CTNND2: variants seen among roughly 807,000 people sequenced by gnomAD.
CTNND2 encodes the protein catenin delta 2.
CTNND2 carries 22 observed loss-of-function variants against 144.4 expected under a neutral mutation model. The observed-to-expected ratio is 0.15, with a 90% confidence interval of 0.11 to 0.22. The LOEUF is 0.22. Among genes scored for constraint, CTNND2 ranks in the 10% least tolerant of loss-of-function variants. The pLI, the probability that CTNND2 is intolerant of heterozygous loss-of-function variation, is 1.00. For synonymous variants in CTNND2, 751 were observed against 695.6 expected (o/e 1.08, Z -1.25); for missense variants, 1,353 against 1,618.8 (o/e 0.84, Z 2.82).
At chr5:11,816,068 G>A (rs1034773160) in intron 1 of CTNND2, among the ~76,000 whole-genome samples, 10 of 152,346 alleles carry the variant, frequency 6.6e-5, no homozygotes, top group Middle Eastern at 3.4e-3. Context: ...GCGTGCCTGT[G>A]AGAGCCTGGC....
At chr5:11,499,213 G>A (rs1432837000) in intron 3 of CTNND2, among the ~76,000 whole-genome samples, 2 of 152,004 alleles carry the variant, frequency 1.3e-5, no homozygotes, top group Non-Finnish European at 2.9e-5. Context: ...TTAAAATATG[G>A]TATATATTTA....
At chr5:11,553,759 A>C (rs373991784) in intron 3 of CTNND2, among the ~76,000 whole-genome samples, 1 of 152,186 alleles carries the variant, frequency 6.6e-6, no homozygotes, top group East Asian at 1.9e-4. Flanking sequence ...AAAGATTTCC[A>C]GTTCTCTACT....
At chr5:11,103,361 G>A (rs1293302260) in intron 14 of CTNND2, among the ~76,000 whole-genome samples, 1 of 152,008 alleles carries the variant, frequency 6.6e-6, no homozygotes, top group African/African-American at 2.4e-5. Flanking sequence ...AGAGAAAGAC[G>A]TAACTTAGGG....
At chr5:11,293,841 T>C (rs1470546909) in intron 9 of CTNND2, among the ~76,000 whole-genome samples, 2 of 147,166 alleles carry the variant, frequency 1.4e-5, no homozygotes, top group Non-Finnish European at 1.5e-5. Flanking sequence ...CTTAAATATA[T>C]ATGTATATAT....
At chr5:11,463,242 C>A (rs1033023501) in intron 3 of CTNND2, among the ~76,000 whole-genome samples, 5 of 152,160 alleles carry the variant, frequency 3.3e-5, no homozygotes, top group African/African-American at 1.2e-4. Context: ...TACTTAGAAG[C>A]GTCTTCAGAG....
At chr5:11,557,738 A>T (rs1446822281) in intron 3 of CTNND2, among the ~76,000 whole-genome samples, 1 of 152,124 alleles carries the variant, frequency 6.6e-6, no homozygotes, top group Non-Finnish European at 1.5e-5. Context: ...CATTCCTAGG[A>T]TTATACAGTC....
intron 9 of CTNND2, among the ~76,000 whole-genome samples, chr5:11,332,302 T>C (rs931356205): frequency 1.7e-4 from 26 of 150,600 alleles, no homozygotes; most frequent in African/African-American, 6.4e-4. Flanking sequence ...AGGTGGGCTT[T>C]CGAGCTTCCT....
At chr5:11,639,206 C>T (rs543683024) in intron 2 of CTNND2, among the ~76,000 whole-genome samples, 9 of 152,208 alleles carry the variant, frequency 5.9e-5, no homozygotes, top group African/African-American at 1.7e-4. Flanking sequence ...CTACAACGTG[C>T]AGGACACCAA....
chr5:11,625,220 C>T (rs1781090818), intron 2 of CTNND2, among the ~76,000 whole-genome samples: 1 of 152,100 alleles, frequency 6.6e-6, no homozygotes, highest in Non-Finnish European at 1.5e-5. Flanking sequence ...AAAATTCACT[C>T]CACTAACTCT....
At chr5:11,341,820 C>A (rs919539899) in intron 9 of CTNND2, among the ~76,000 whole-genome samples, 10 of 152,190 alleles carry the variant, frequency 6.6e-5, no homozygotes, top group Admixed American at 2.6e-4. Flanking sequence ...CCAGCCTGGG[C>A]AGCACAGCAA....
At chr5:11,020,691 G>A (rs1382951952) in intron 17 of CTNND2, among the ~76,000 whole-genome samples, 1 of 152,076 alleles carries the variant, frequency 6.6e-6, no homozygotes, top group Admixed American at 6.5e-5. Flanking sequence ...GAGGATAAAT[G>A]TAGTTATAAA....
At chr5:11,561,886 A>T (rs190442530) in intron 3 of CTNND2, among the ~76,000 whole-genome samples, 2 of 152,154 alleles carry the variant, frequency 1.3e-5, no homozygotes, top group Admixed American at 6.5e-5. Flanking sequence ...TACCTAAAAT[A>T]TTTTTAAAAA....
At chr5:11,879,048 G>A (rs1735776690) in intron 1 of CTNND2, among the ~76,000 whole-genome samples, 1 of 152,084 alleles carries the variant, frequency 6.6e-6, no homozygotes, top group African/African-American at 2.4e-5. Context: ...TGCAGCCTGT[G>A]GTTACCATGG....
At chr5:11,461,843 C>T (rs371977674) in intron 3 of CTNND2, among the ~76,000 whole-genome samples, 17 of 152,286 alleles carry the variant, frequency 1.1e-4, no homozygotes, top group African/African-American at 4.1e-4. Context: ...CTCAGAGATA[C>T]TGTGCAGCAT....
chr5:11,125,379 TCA>T (rs959944532), intron 12 of CTNND2, among the ~76,000 whole-genome samples: 2 of 152,240 alleles, frequency 1.3e-5, no homozygotes, highest in African/African-American at 2.4e-5. Flanking sequence ...TTCAAAATGT[TCA>T]CAAAAGTGGC....
intron 1 of CTNND2, among the ~76,000 whole-genome samples, chr5:11,900,452 T>A (rs543099405): frequency 8.1e-4 from 123 of 152,340 alleles, no homozygotes; most frequent in Middle Eastern, 3.4e-3. Context: ...TGACTATAAC[T>A]GAGTTTATTA....
chr5:11,144,126 G>A (rs7709436), intron 12 of CTNND2, among the ~76,000 whole-genome samples: 16,832 of 52,628 alleles, frequency 0.32, 1,656 homozygotes, highest in East Asian at 0.58. Context: ...CCCCAGGTCT[G>A]CACCAGCTAG....
At chr5:11,070,781 A>G (rs544512688) in intron 16 of CTNND2, among the ~76,000 whole-genome samples, 2 of 152,354 alleles carry the variant, frequency 1.3e-5, no homozygotes, top group East Asian at 3.9e-4. Context: ...CAAAGCTGAG[A>G]GAATTTATCT....
At chr5:11,304,768 T>G (rs1320219060) in intron 9 of CTNND2, among the ~76,000 whole-genome samples, 1 of 152,206 alleles carries the variant, frequency 6.6e-6, no homozygotes, top group Non-Finnish European at 1.5e-5. Context: ...TCCTGGCCAC[T>G]GTGCTCAGAG....
Sources: allele counts gnomAD v4.1 joint callset (sites outside exome capture counted in the v4.1 genomes callset), GRCh38; gene constraint gnomAD v4.1.1; transcripts MANE v1.5; gene names NCBI Gene and HGNC (gene_info 2026-07-23, HGNC 2026-07-21).